Variants in GPC6 observed in about 807,000 individuals in gnomAD.
The protein encoded by GPC6 is glypican 6.
Under a neutral mutation model 55.2 loss-of-function variants are expected in GPC6, and 14 were observed. The observed-to-expected ratio is 0.25, with a 90% CI of 0.17 to 0.40. GPC6 has a LOEUF of 0.40. Among genes scored for constraint, GPC6 ranks in the 10% least tolerant of loss-of-function variants. GPC6 has a pLI of 1.00. For missense variants in GPC6, 641 were observed against 708.5 expected (o/e 0.90, Z 1.08); for synonymous variants, 278 against 259.6 (o/e 1.07, Z -0.68).
At chr13:94,363,288 T>C (rs1019970454) in intron 6 of GPC6, among the ~76,000 whole-genome samples, 1 of 152,132 alleles carries the variant, frequency 6.6e-6, no homozygotes, top group Admixed American at 6.5e-5. Context: ...AAGCTGTTCA[T>C]AGGCAAAATT....
chr13:94,194,323 G>A (rs943054217), intron 4 of GPC6, among the ~76,000 whole-genome samples: 1 of 152,120 alleles, frequency 6.6e-6, no homozygotes, highest in Non-Finnish European at 1.5e-5. Flanking sequence ...GGAGAGTGGT[G>A]TTTATCTGAA....
At chr13:93,750,219 G>A (rs1017162501) in intron 2 of GPC6, among the ~76,000 whole-genome samples, 2 of 152,204 alleles carry the variant, frequency 1.3e-5, no homozygotes, top group Non-Finnish European at 2.9e-5. Context: ...AAGTAGTAGT[G>A]AAGATTCCAA....
chr13:93,600,156 T>G (rs554908587), intron 2 of GPC6, among the ~76,000 whole-genome samples: 1 of 152,354 alleles, frequency 6.6e-6, no homozygotes, highest in South Asian at 2.1e-4. Flanking sequence ...AATCAAGTAC[T>G]AAATTGAATA....
At chr13:93,807,549 A>G (rs993032372) in intron 2 of GPC6, among the ~76,000 whole-genome samples, 12 of 152,230 alleles carry the variant, frequency 7.9e-5, no homozygotes, top group African/African-American at 2.9e-4. Flanking sequence ...ACAAAATGGC[A>G]TGAAGGCAAG....
At chr13:93,506,692 T>A (rs563586084) in intron 1 of GPC6, among the ~76,000 whole-genome samples, 14 of 152,142 alleles carry the variant, frequency 9.2e-5, no homozygotes, top group African/African-American at 3.4e-4. Context: ...TCTATTTGAA[T>A]ATCCTGGCTC....
At chr13:94,185,851 G>C (rs1236330722) in intron 4 of GPC6, among the ~76,000 whole-genome samples, 1 of 151,896 alleles carries the variant, frequency 6.6e-6, no homozygotes, top group East Asian at 1.9e-4. Flanking sequence ...ACGAGGTCAG[G>C]AGATCAAGAC....
At chr13:93,313,678 C>T (rs1879149726) in intron 1 of GPC6, among the ~76,000 whole-genome samples, 1 of 151,738 alleles carries the variant, frequency 6.6e-6, no homozygotes, top group Non-Finnish European at 1.5e-5. Context: ...TTTAAAGAGA[C>T]AAGATCTTGA....
Position 93,463,829 on chromosome 13 carries a change from C to T in GPC6, c.161-81434C>T, listed in dbSNP as rs115842797. Among the ~76,000 whole-genome samples the T allele has an allele frequency of 4.9e-3, 748 of 151,788 alleles. 5 individuals are homozygous for T. The highest frequency in any genetic ancestry group is 0.017 in the African/African-American group (693 of 41,380). ...ACCATGTTGTTGTTGTTCTGACTTA[C>T]GGCATTTGCTTGATTTATTTTCCAC... On this transcript the variant is annotated intron_variant, in intron 1 of 8. Coordinates refer to ENST00000377047, the MANE Select transcript of GPC6 (RefSeq NM_005708.5).
intron 3 of GPC6, among the ~76,000 whole-genome samples, chr13:93,850,528 A>G (rs1437487396): frequency 6.6e-6 from 1 of 152,012 alleles, no homozygotes; most frequent in Non-Finnish European, 1.5e-5. Flanking sequence ...ATAAAACTCC[A>G]TAAACAACTA....
At chr13:94,031,110 A>ATGTGTG (rs148462602) in intron 4 of GPC6, among the ~76,000 whole-genome samples, 1 of 147,920 alleles carries the variant, frequency 6.8e-6, no homozygotes, top group Admixed American at 6.7e-5. Context: ...GTGTGCGTGC[A>ATGTGTG]TGTGTGTGTG....
At chr13:93,884,636 T>C (rs1008833419) in intron 3 of GPC6, among the ~76,000 whole-genome samples, 50 of 152,098 alleles carry the variant, frequency 3.3e-4, no homozygotes, top group African/African-American at 1.1e-3. Context: ...TAACATGCTC[T>C]CAAAATTTTC....
intron 2 of GPC6, among the ~76,000 whole-genome samples, chr13:93,580,241 A>G (rs1876871172): frequency 6.6e-6 from 1 of 152,186 alleles, no homozygotes; most frequent in South Asian, 2.1e-4. Flanking sequence ...GGTCTCTTTT[A>G]TGAGGGTACT....
intron 3 of GPC6, among the ~76,000 whole-genome samples, chr13:93,900,653 G>C (rs572854743): frequency 3.0e-4 from 46 of 152,158 alleles, no homozygotes; most frequent in African/African-American, 1.1e-3. Context: ...TTATTCAAAA[G>C]TATTATGCTT....
chr13:93,928,729 AC>A (rs1877986505), intron 3 of GPC6, among the ~76,000 whole-genome samples: 1 of 152,002 alleles, frequency 6.6e-6, no homozygotes, highest in African/African-American at 2.4e-5. Context: ...ATTATTCTGT[AC>A]TAGTATGACG....
intron 1 of GPC6, among the ~76,000 whole-genome samples, chr13:93,438,129 G>A (rs895095153): frequency 3.3e-5 from 5 of 151,990 alleles, no homozygotes; most frequent in African/African-American, 1.2e-4. Context: ...TCAGAAAAAA[G>A]TATTATTTTC....
intron 2 of GPC6, among the ~76,000 whole-genome samples, chr13:93,655,602 A>G (rs1308115125): frequency 6.6e-6 from 1 of 152,306 alleles, no homozygotes; most frequent in Non-Finnish European, 1.5e-5. Context: ...GAAATTATGC[A>G]TGGGGGAAAG....
intron 2 of GPC6, among the ~76,000 whole-genome samples, chr13:93,563,111 G>A (rs1303531050): frequency 6.6e-6 from 1 of 152,064 alleles, no homozygotes; most frequent in Admixed American, 6.6e-5. Flanking sequence ...GTGGGTAGAC[G>A]AATTTATACT....
At chr13:93,949,974 C>A (rs896279631) in intron 3 of GPC6, among the ~76,000 whole-genome samples, 8 of 152,104 alleles carry the variant, frequency 5.3e-5, no homozygotes, top group African/African-American at 1.9e-4. Context: ...GTGGTCCACT[C>A]GCCTTGGCCT....
chr13:94,328,661 A>G (rs746138570), intron 6 of GPC6, among the ~76,000 whole-genome samples: 4 of 152,218 alleles, frequency 2.6e-5, no homozygotes, highest in Admixed American at 6.5e-5. Flanking sequence ...ATTGTATATA[A>G]ATTATAAACA....
Sources: allele counts gnomAD v4.1 joint callset (sites outside exome capture counted in the v4.1 genomes callset), GRCh38; gene constraint gnomAD v4.1.1; transcripts MANE v1.5; gene names NCBI Gene and HGNC (gene_info 2026-07-23, HGNC 2026-07-21).